The following ANXA10 variants were observed in gnomAD, a reference collection of about 807,000 sequenced individuals.
ANXA10 encodes annexin A10.
ANXA10 carries 49 observed loss-of-function variants against 53.5 expected under a neutral mutation model. The observed-to-expected ratio is 0.92, with a 90% CI of 0.73 to 1.16. ANXA10 has a LOEUF of 1.16. ANXA10 is among the 50% of genes most tolerant of loss of function. ANXA10 has a pLI of 0.00. For synonymous variants in ANXA10, 131 were observed against 128.9 expected (o/e 1.02, Z -0.11); for missense variants, 393 against 394.4 (o/e 1.00, Z 0.03).
intron 3 of ANXA10, among the ~76,000 whole-genome samples, chr4:168,152,963 C>T (rs1434587216): frequency 2.6e-5 from 4 of 152,028 alleles, no homozygotes; most frequent in African/African-American, 9.7e-5. Context: ...CCCACCTCAG[C>T]CTCCAAGTAG....
chr4:168,124,081 T>C (rs1003791227), intron 1 of ANXA10, among the ~76,000 whole-genome samples: 2 of 152,110 alleles, frequency 1.3e-5, no homozygotes, highest in Non-Finnish European at 2.9e-5. Context: ...GAATTAGAAA[T>C]GGAAATTTTC....
In ANXA10 at chr4:168,157,796, A is replaced by G. The variant is rs1731715540; in HGVS notation, c.196-4732A>G. Among the ~76,000 whole-genome samples the G allele has an allele frequency of 3.3e-5, 5 of 152,222 alleles. No homozygotes were observed. The South Asian group carries it at 1.0e-3, about 32-fold the overall frequency. On this transcript the variant is annotated intron_variant, in intron 3 of 11. Coordinates refer to ENST00000359299, the MANE Select transcript of ANXA10 (RefSeq NM_007193.5). ...AAGGTTCACTTGTGAAGCTATGTGT[A>G]TTCTTTTATTGCTATTTTTCTAGTG...
intron 3 of ANXA10, 73 bp downstream of exon 3, chr4:168,139,653 ATT>A: frequency 8.3e-6 from 9 of 1,081,480 alleles, no homozygotes; most frequent in South Asian, 3.1e-5. Context: ...GATAATAGGT[ATT>A]TTTTTTTTCA....
chr4:168,138,052 C>T (rs979176479), intron 2 of ANXA10, among the ~76,000 whole-genome samples: 1 of 151,564 alleles, frequency 6.6e-6, no homozygotes, highest in African/African-American at 2.4e-5. Flanking sequence ...ACTTCCACCT[C>T]CCAGGTTCAA....
intron 2 of ANXA10, among the ~76,000 whole-genome samples, chr4:168,134,535 G>T (rs1332815467): frequency 1.3e-5 from 2 of 152,100 alleles, no homozygotes; most frequent in Non-Finnish European, 2.9e-5. Flanking sequence ...ATAAGACAAA[G>T]AAAGTAATTT....
At chr4:168,136,128 C>T (rs1164411117) in intron 2 of ANXA10, among the ~76,000 whole-genome samples, 1 of 152,038 alleles carries the variant, frequency 6.6e-6, no homozygotes, top group Admixed American at 6.6e-5. Flanking sequence ...GGGAAATCTG[C>T]CCCCATGATC....
chr4:168,126,616 C>CAGCTCTTCCCCCCACA (rs1264467675), intron 1 of ANXA10, among the ~76,000 whole-genome samples: 5 of 152,086 alleles, frequency 3.3e-5, no homozygotes, highest in Non-Finnish European at 7.4e-5. Context: ...TATCTAGGAC[C>CAGCTCTTCCCCCCACA]AGCTCTTCCC....
At chr4:168,111,761 A>T (rs781691761) in intron 1 of ANXA10, among the ~76,000 whole-genome samples, 31 of 152,220 alleles carry the variant, frequency 2.0e-4, no homozygotes, top group Non-Finnish European at 8.8e-5. Flanking sequence ...GCTTTGCAAA[A>T]TATACTTATC....
chr4:168,098,591 T>G (rs1730588568), intron 1 of ANXA10, among the ~76,000 whole-genome samples: 1 of 137,798 alleles, frequency 7.3e-6, no homozygotes, highest in Non-Finnish European at 1.7e-5. Flanking sequence ...TTCTTCTAAA[T>G]AGTCTCCAGC....
chr4:168,099,557 T>A (rs1434075992), intron 1 of ANXA10, among the ~76,000 whole-genome samples: 2 of 152,132 alleles, frequency 1.3e-5, no homozygotes, highest in African/African-American at 4.8e-5. Flanking sequence ...GAAATAAGAC[T>A]TTTTCATGTA....
In ANXA10 at chr4:168,128,089, A is replaced by G; in HGVS notation, c.24A>G (p.Gln8=). ...CTCATTGATTTTCCCACCAGGTGCA[A>G]GGAACCATCTTCCCAGCTCCCAATT... MFCGDYV[Q]GTIFPAPNFN... Residue 8 remains glutamine (Q), a synonymous_variant, in exon 2 of 12, where the codon CAA becomes CAG. Coordinates refer to ENST00000359299, the MANE Select transcript of ANXA10 (RefSeq NM_007193.5). 3 of 1,612,922 alleles carry G rather than the reference A, an allele frequency of 1.9e-6. No individual in the cohort carries two copies. The highest frequency in any genetic ancestry group is 1.7e-6 in the Non-Finnish European group (2 of 1,179,166).
At chr4:168,162,680 A>C in intron 4 of ANXA10, 39 bp downstream of exon 4, 1 of 1,541,846 alleles carries the variant, frequency 6.5e-7, no homozygotes, top group Non-Finnish European at 9.0e-7. Context: ...TAACAAGTAC[A>C]GGCCAGTATT....
intron 6 of ANXA10, among the ~76,000 whole-genome samples, chr4:168,174,375 C>G (rs1469560827): frequency 4.6e-5 from 7 of 152,204 alleles, no homozygotes. Flanking sequence ...TTGTGACATG[C>G]CTGGTCCAGC....
At chr4:168,161,316 A>G (rs1731779214) in intron 3 of ANXA10, among the ~76,000 whole-genome samples, 1 of 152,070 alleles carries the variant, frequency 6.6e-6, no homozygotes, top group African/African-American at 2.4e-5. Context: ...TTAAATAGAG[A>G]ATCTTTTCCC....
intron 1 of ANXA10, among the ~76,000 whole-genome samples, chr4:168,116,222 A>G (rs1014596491): frequency 5.9e-5 from 9 of 152,192 alleles, no homozygotes; most frequent in Admixed American, 4.6e-4. Flanking sequence ...TACAATCCAT[A>G]TAGACAAAAC....
intron 3 of ANXA10, among the ~76,000 whole-genome samples, chr4:168,159,839 A>C (rs1182886450): frequency 6.6e-6 from 1 of 152,162 alleles, no homozygotes; most frequent in Admixed American, 6.6e-5. Flanking sequence ...GATTATGCCA[A>C]ATAATAAAAT....
At chr4:168,162,490 G>GT in intron 3 of ANXA10, 38 bp from the exon 4 acceptor site, 1 of 1,443,570 alleles carries the variant, frequency 6.9e-7, no homozygotes, top group Non-Finnish European at 9.7e-7. Flanking sequence ...TGCAAATTTG[G>GT]TAACATATAA....
At chr4:168,155,969 T>TTA (rs1159448747) in intron 3 of ANXA10, among the ~76,000 whole-genome samples, 1 of 59,076 alleles carries the variant, frequency 1.7e-5, no homozygotes, top group African/African-American at 7.9e-5. Context: ...ATATATTATA[T>TTA]TATATGATAT....
At chr4:168,174,722 C>T (rs949830117) in intron 6 of ANXA10, among the ~76,000 whole-genome samples, 1 of 152,052 alleles carries the variant, frequency 6.6e-6, no homozygotes, top group South Asian at 2.1e-4. Context: ...ATGAAAAGGC[C>T]GAAGAAAAAC....
Sources: gnomAD v4.1 joint callset for allele counts (sites outside exome capture counted in the v4.1 genomes callset) on GRCh38, gnomAD v4.1.1 for gene constraint, MANE v1.5 for transcripts, NCBI Gene and HGNC (gene_info 2026-07-23, HGNC 2026-07-21) for gene names.